Variants in FAN1 observed in about 807,000 individuals in gnomAD.
FAN1 encodes FANCD2 and FANCI associated nuclease 1, also known as fanconi-associated nuclease 1.
FAN1 carries 91 observed loss-of-function variants against 104.9 expected under a neutral mutation model. That is an observed-to-expected ratio of 0.87 (90% CI 0.73 to 1.03). The LOEUF is 1.03. Among genes scored for constraint, FAN1 ranks in the 50% least tolerant of loss-of-function variants. The pLI, the probability that FAN1 is intolerant of heterozygous loss-of-function variation, is 0.00. For synonymous variants in FAN1, 478 were observed against 457.6 expected (o/e 1.04, Z -0.57); for missense variants, 1,263 against 1,239.9 (o/e 1.02, Z -0.28).
In FAN1 at chr15:30,941,653, G is replaced by A. The variant is rs541383356; in HGVS notation, c.*91G>A. The A allele has an allele frequency of 6.2e-6, 10 of 1,612,204 alleles. No individual in the cohort carries two copies. The South Asian group carries it at 1.1e-4, about 18-fold the overall frequency. ...TGTGGTGAGGGCCGCTGGCGTTGAAGTACATCCTGCTCTGGCCCAGCTCCC... is the reference window on the plus strand; with the variant it reads ...TGTGGTGAGGGCCGCTGGCGTTGAAATACATCCTGCTCTGGCCCAGCTCCC... On this transcript the variant is annotated 3_prime_UTR_variant, in exon 15 of 15. Coordinates refer to ENST00000362065, the MANE Select transcript of FAN1 (RefSeq NM_014967.5).
In FAN1 at chr15:30,925,134, A is replaced by G. The variant is rs772368183; in HGVS notation, c.2180A>G (p.Lys727Arg). Residue 727 changes from lysine (K) to arginine (R), a missense_variant, in exon 9 of 15, where the codon AAG (lysine) becomes AGG (arginine). Coordinates refer to ENST00000362065, the MANE Select transcript of FAN1 (RefSeq NM_014967.5). ...QHLKRLEPTI[K>R]CITEGLADPE... Reference sequence around the variant, plus strand: ...GACCATGCTCTCTGCCAGACTATCAAGTGCATCACAGAGGGGCTGGCGGAT... The same window carrying G: ...GACCATGCTCTCTGCCAGACTATCAGGTGCATCACAGAGGGGCTGGCGGAT... The G allele has an allele frequency of 6.8e-6, 11 of 1,613,132 alleles. No homozygotes were observed. The highest frequency in any genetic ancestry group is 8.5e-6 in the Non-Finnish European group (10 of 1,179,528).
At chr15:30,914,463 C>A (rs1183532406) in intron 5 of FAN1, among the ~76,000 whole-genome samples, 2 of 152,158 alleles carry the variant, frequency 1.3e-5, no homozygotes, top group Non-Finnish European at 2.9e-5. Flanking sequence ...CTCCTGGGCC[C>A]AAGTGATCCT....
chr15:30,926,350 C>CT (rs1441883115), intron 10 of FAN1, among the ~76,000 whole-genome samples: 1 of 152,214 alleles, frequency 6.6e-6, no homozygotes, highest in Admixed American at 6.5e-5. Flanking sequence ...ATGCTAGTCG[C>CT]TTTCGGGAAC....
chr15:30,942,246 C>T lies in FAN1; in HGVS notation c.*684C>T. 1 of 815,402 alleles carries T rather than the reference C, an allele frequency of 1.2e-6. No individual in the cohort carries two copies. Among genetic ancestry groups the T allele is most frequent in the Non-Finnish European group, 1.9e-6 (1 of 525,944 alleles). The allele number at this position is 815,402 out of a possible 1,614,324, so 50.5% of individuals were successfully genotyped here. On this transcript the variant is annotated 3_prime_UTR_variant, in exon 15 of 15. Transcript: ENST00000362065. ...CTAATCCTCCTCCCCTGGAATTACA[C>T]TTTTTTATGTGTTGACTCTACCTAG...
chr15:30,938,545 C>A (rs184616524), intron 14 of FAN1, among the ~76,000 whole-genome samples: 6 of 152,228 alleles, frequency 3.9e-5, no homozygotes, highest in East Asian at 1.9e-4. Context: ...ACAGTCAAAT[C>A]GGCTGCTCAT....
rs769919620 is a variant in FAN1, at chr15:30,928,539, T to TGTGA, written c.2489-13_2489-12insTGAG. The TGTGA allele has an allele frequency of 1.9e-6, 3 of 1,611,324 alleles. No homozygotes were observed. The highest frequency in any genetic ancestry group is 2.2e-5 in the South Asian group (2 of 90,936). On this transcript the variant is annotated splice_polypyrimidine_tract_variant and intron_variant, in intron 10 of 14. Coordinates refer to ENST00000362065, the MANE Select transcript of FAN1 (RefSeq NM_014967.5). ...GTGTGTGTGTGTGTGTGTGTGTGTG[T>TGTGA]GACCTTGTCTTAGGGATTCATGGCG... is the stretch of plus-strand genomic sequence containing the variant.
chr15:30,914,669 A>AT lies in FAN1; in HGVS notation c.1811+586dup, dbSNP rs201781505. On this transcript the variant is annotated intron_variant, in intron 5 of 14. Transcript: ENST00000362065. ...GCGTGAACCACCGCCCTCGGCCTGT[A>AT]TTTTTTTTGACACAGACATATTAAC... Among the ~76,000 whole-genome samples, 569 of 152,022 alleles carry AT rather than the reference A, an allele frequency of 3.7e-3. 4 individuals carry two copies. The highest frequency in any genetic ancestry group is 0.017 in the Middle Eastern group (5 of 294).
chr15:30,933,263 T>G (rs2062761948), intron 13 of FAN1, among the ~76,000 whole-genome samples: 1 of 152,202 alleles, frequency 6.6e-6, no homozygotes, highest in African/African-American at 2.4e-5. Flanking sequence ...AGTTAGGTAG[T>G]GCTCCAAATT....
chr15:30,932,572 ATAAAT>A (rs2062740948), intron 13 of FAN1, among the ~76,000 whole-genome samples: 1 of 152,144 alleles, frequency 6.6e-6, no homozygotes, highest in African/African-American at 2.4e-5. Flanking sequence ...ATTTAAAGCT[ATAAAT>A]TAAATTTATT....
At position 30,904,505 on chromosome 15, in the gene FAN1, C is replaced by T. The variant is rs1253804497; in HGVS notation, c.-152-7C>T. On this transcript the variant is annotated splice_region_variant and splice_polypyrimidine_tract_variant and intron_variant, in intron 1 of 14. Coordinates refer to ENST00000362065, the MANE Select transcript of FAN1 (RefSeq NM_014967.5). Reference sequence around the variant, plus strand: ...TGTTTTTAATTTATATGTGTTTCTTCTTGTAGGAAGAAGAAATTGTCGAGA... The same window carrying T: ...TGTTTTTAATTTATATGTGTTTCTTTTTGTAGGAAGAAGAAATTGTCGAGA... 2.5e-6 allele frequency: 2 copies of T among 787,964 alleles called. No homozygotes were observed. The highest frequency in any genetic ancestry group is 4.4e-6 in the Non-Finnish European group (2 of 454,040). 48.8% of individuals were successfully genotyped at this position (787,964 alleles called of 1,614,324 possible).
In FAN1 at chr15:30,928,388, C is replaced by T. The variant is rs558926473; in HGVS notation, c.2489-165C>T. 82 of 1,446,058 alleles carry T rather than the reference C, an allele frequency of 5.7e-5. No individual in the cohort carries two copies. In the African/African-American group the frequency reaches 1.1e-3, roughly 19 times the overall value. 89.6% of individuals were successfully genotyped at this position (1,446,058 alleles called of 1,614,324 possible). Reference sequence around the variant, plus strand: ...TAAACAACATACTGTATAAAATAAACTGGGAATGGCGTGAAAACAGCATTT... The same window carrying T: ...TAAACAACATACTGTATAAAATAAATTGGGAATGGCGTGAAAACAGCATTT... On this transcript the variant is annotated intron_variant, in intron 10 of 14. Coordinates refer to ENST00000362065, the MANE Select transcript of FAN1 (RefSeq NM_014967.5).
rs773891611 is a variant in FAN1, at chr15:30,905,050, T to G, written c.387T>G (p.Phe129Leu). The change falls in exon 2 of 15, where the codon TTT becomes TTG. Residue 129 changes from phenylalanine (F) to leucine (L), a missense_variant. Around this residue, in one of 2 missense-constraint regions of FAN1, gnomAD observed 682 missense variants for 571.1 expected, o/e 1.19. Transcript: ENST00000362065. ...TAAAGCAGAAGATCAGTCCCTACTT[T>G]AAAAGTAATGATGTGGTGTGCAAAA... ...REVKQKISPY[F>L]KSNDVVCKNQ... 2 of 1,613,990 alleles carry G rather than the reference T, an allele frequency of 1.2e-6. No homozygotes were observed. Among genetic ancestry groups the G allele is most frequent in the Non-Finnish European group, 1.7e-6 (2 of 1,180,010 alleles).
chr15:30,919,730 A>G (rs556257759), intron 6 of FAN1, among the ~76,000 whole-genome samples: 291 of 152,134 alleles, frequency 1.9e-3, no homozygotes, highest in African/African-American at 6.7e-3. Context: ...AGGAAGAGAA[A>G]ACATATTTAC....
At chr15:30,920,055 G>T (rs1471186788) in intron 6 of FAN1, among the ~76,000 whole-genome samples, 1 of 152,220 alleles carries the variant, frequency 6.6e-6, no homozygotes, top group Non-Finnish European at 1.5e-5. Flanking sequence ...TATGGTTTCT[G>T]TGGCACCAAC....
Position 30,925,822 on chromosome 15 carries a change from G to A in FAN1, c.2371G>A (p.Gly791Arg), listed in dbSNP as rs768223452. 3.1e-6 allele frequency: 5 copies of A among 1,614,098 alleles called. No individual in the cohort carries two copies. Among genetic ancestry groups the A allele is most frequent in the East Asian group, 2.2e-5 (1 of 44,902 alleles). The change falls in exon 10 of 15, where the codon GGG (glycine) becomes AGG (arginine). Residue 791 changes from glycine (G) to arginine (R), a missense_variant. Physicochemically the swap from Gly to Arg is moderately radical, Grantham distance 125. Transcript: ENST00000362065. ...TITGRLCPQR[G>R]MCKSVFVMEA... Reference sequence around the variant, plus strand: ...CACAGGCAGGCTGTGCCCACAGCGTGGGATGTGCAAGTCTGTGTTTGTGAT... The same window carrying A: ...CACAGGCAGGCTGTGCCCACAGCGTAGGATGTGCAAGTCTGTGTTTGTGAT...
intron 10 of FAN1, chr15:30,927,400 T>C: frequency 3.2e-5 from 32 of 985,498 alleles, no homozygotes; most frequent in Non-Finnish European, 3.7e-5. Flanking sequence ...GAGTCCTGAG[T>C]GAACCGCTGT....
At chr15:30,928,771 G>A (rs1182547957) in intron 11 of FAN1, 115 bp downstream of exon 11, 15 of 1,547,186 alleles carry the variant, frequency 9.7e-6, no homozygotes, top group Non-Finnish European at 1.3e-5. Context: ...ACGGTCCTTT[G>A]GGTCATCCAC....
At chr15:30,906,847 G>A (rs1333480602) in intron 2 of FAN1, among the ~76,000 whole-genome samples, 1 of 152,158 alleles carries the variant, frequency 6.6e-6, no homozygotes, top group African/African-American at 2.4e-5. Context: ...GGACATAATA[G>A]CACATTGGCT....
chr15:30,935,337 A>G (rs910826356), intron 13 of FAN1, among the ~76,000 whole-genome samples: 10 of 152,030 alleles, frequency 6.6e-5, no homozygotes, highest in African/African-American at 2.4e-4. Flanking sequence ...AAAAGAAAAA[A>G]TTTCCATGTC....
Sources: gnomAD v4.1 joint callset for allele counts (sites outside exome capture counted in the v4.1 genomes callset) on GRCh38, gnomAD v4.1.1 for gene constraint, gnomAD v4.1.1 regional missense constraint, MANE v1.5 for transcripts, NCBI Gene and HGNC (gene_info 2026-07-23, HGNC 2026-07-21) for gene names.